The following JMJD1C variants were observed in gnomAD, a reference collection of about 807,000 sequenced individuals.
JMJD1C encodes the protein jumonji domain containing 1C.
JMJD1C carries 31 observed loss-of-function variants against 245.3 expected under a neutral mutation model. The observed-to-expected ratio is 0.13, with a 90% CI of 0.09 to 0.17. The LOEUF (loss-of-function observed/expected upper bound fraction) is 0.17. Among genes scored for constraint, JMJD1C ranks in the 10% least tolerant of loss-of-function variants. The pLI, the probability that JMJD1C is intolerant of heterozygous loss-of-function variation, is 1.00. For synonymous variants in JMJD1C, 1,057 were observed against 1,017.4 expected, an observed-to-expected ratio of 1.04 and a Z score of -0.74; for missense variants, 2,691 against 3,000.2, an observed-to-expected ratio of 0.90 and a Z score of 2.41.
At chr10:63,202,708 T>C (rs2133101747) in intron 10 of JMJD1C, 1 of 985,418 alleles carries the variant, frequency 1.0e-6, no homozygotes, top group East Asian at 1.1e-4. Flanking sequence ...CCGGTTATGG[T>C]ATAAACCCAT....
chr10:63,323,451 C>G (rs927417856), intron 2 of JMJD1C, among the ~76,000 whole-genome samples: 7 of 152,170 alleles, frequency 4.6e-5, no homozygotes, highest in African/African-American at 1.7e-4. Context: ...ACCCAGGAGG[C>G]TGAGGTTGCA....
rs1852653984 is a variant in JMJD1C at position 63,248,878 on chromosome 10, G to A, written c.447+15773C>T. ...AGGAAATGTGGTATACGTACATAAT[G>A]AATATTGTCCTGGCCATAAAAAGAA... On this transcript the variant is annotated intron_variant, in intron 3 of 25. Coordinates refer to ENST00000399262, the MANE Select transcript of JMJD1C (RefSeq NM_032776.3). Among the ~76,000 whole-genome samples the A allele has an allele frequency of 7.2e-5, 11 of 152,314 alleles. No individual in the cohort carries two copies. The South Asian group carries it at 2.3e-3, about 32-fold the overall frequency.
chr10:63,184,464 A>C (rs1024410893), intron 21 of JMJD1C, 144 bp downstream of exon 21: 1 of 645,768 alleles, frequency 1.5e-6, no homozygotes, highest in African/African-American at 1.9e-5. Context: ...GGATGGTCTC[A>C]ATCTCCTGAC....
chr10:63,305,316 C>G (rs1427815304), intron 2 of JMJD1C, among the ~76,000 whole-genome samples: 1 of 145,014 alleles, frequency 6.9e-6, no homozygotes, highest in Non-Finnish European at 1.5e-5. Flanking sequence ...TGCAGTGAGC[C>G]AAGATCATAC....
intron 2 of JMJD1C, 93 bp from the exon 3 acceptor site, chr10:63,264,857 T>C (rs1855334889): frequency 1.5e-6 from 1 of 654,430 alleles, no homozygotes; most frequent in South Asian, 1.8e-5. Context: ...ATCAATGTCA[T>C]TATCACTACA....
chr10:63,190,616 T>C (rs1208423208), intron 17 of JMJD1C, among the ~76,000 whole-genome samples: 3 of 152,192 alleles, frequency 2.0e-5, no homozygotes, highest in Non-Finnish European at 4.4e-5. Flanking sequence ...CATGTGGGTT[T>C]TTCCCTTCAC....
chr10:63,305,627 G>GGGGTGTGTGTGT (rs1420500276), intron 2 of JMJD1C, among the ~76,000 whole-genome samples: 1 of 58,610 alleles, frequency 1.7e-5, no homozygotes, highest in African/African-American at 5.0e-5. Flanking sequence ...CCACCATGCT[G>GGGGTGTGTGTGT]GCGTGTGTGT....
At chr10:63,337,550 CAAGAAAAGAAAAGAAAAGAA>C (rs200782668) in intron 2 of JMJD1C, among the ~76,000 whole-genome samples, 1,723 of 55,014 alleles carry the variant, frequency 0.031, 34 homozygotes, top group East Asian at 0.074. Context: ...GAGGAGAGGA[CAAGAAAAGAAAAGAAAAGAA>C]AAGAAAAGAA....
chr10:63,477,553 C>CAAAA (rs34332584), intron 1 of JMJD1C, among the ~76,000 whole-genome samples: 1 of 126,686 alleles, frequency 7.9e-6, no homozygotes. Flanking sequence ...ATCCATATGT[C>CAAAA]AAAAAAAAAA....
intron 3 of JMJD1C, among the ~76,000 whole-genome samples, chr10:63,259,909 CT>C (rs1009789473): frequency 2.1e-4 from 32 of 151,546 alleles, no homozygotes; most frequent in Admixed American, 2.1e-3. Context: ...TGATACAGAA[CT>C]TTTTTTTTGA....
intron 2 of JMJD1C, among the ~76,000 whole-genome samples, chr10:63,343,899 GT>G: frequency 6.6e-6 from 1 of 151,982 alleles, no homozygotes; most frequent in South Asian, 2.1e-4. Context: ...TTAGCCAGGT[GT>G]GGTGGTGTGT....
intron 11 of JMJD1C, 119 bp from the exon 12 acceptor site, chr10:63,198,846 A>G: frequency 1.9e-6 from 1 of 537,948 alleles, no homozygotes; most frequent in Non-Finnish European, 3.2e-6. Context: ...ATTACATTAA[A>G]AACAGGAAAA....
chr10:63,462,297 A>G (rs1410931310), intron 1 of JMJD1C, among the ~76,000 whole-genome samples: 1 of 152,206 alleles, frequency 6.6e-6, no homozygotes, highest in Non-Finnish European at 1.5e-5. Flanking sequence ...AATTAAACTT[A>G]TTACTTAAAA....
chr10:63,430,821 G>A (rs912646298), intron 1 of JMJD1C, among the ~76,000 whole-genome samples: 10 of 152,140 alleles, frequency 6.6e-5, no homozygotes, highest in East Asian at 1.9e-4. Flanking sequence ...ACAGGTCACC[G>A]CATCCTGGAA....
chr10:63,411,823 C>T (rs568939868), intron 1 of JMJD1C, among the ~76,000 whole-genome samples: 8 of 150,770 alleles, frequency 5.3e-5, no homozygotes, highest in Non-Finnish European at 1.0e-4. Flanking sequence ...AGTATGGCCT[C>T]GATCTCCTGA....
chr10:63,267,821 G>A (rs946571850), intron 2 of JMJD1C, among the ~76,000 whole-genome samples: 2 of 151,986 alleles, frequency 1.3e-5, no homozygotes, highest in Non-Finnish European at 2.9e-5. Flanking sequence ...ATATAGTTGA[G>A]AGCCTGCATT....
At chr10:63,325,432 C>T (rs1391040884) in intron 2 of JMJD1C, among the ~76,000 whole-genome samples, 3 of 152,082 alleles carry the variant, frequency 2.0e-5, no homozygotes, top group African/African-American at 4.8e-5. Context: ...CCTCAATCTC[C>T]GCGCTCAATC....
intron 1 of JMJD1C, among the ~76,000 whole-genome samples, chr10:63,419,076 C>CAAAA (rs34710445): frequency 2.9e-5 from 3 of 103,390 alleles, no homozygotes; most frequent in East Asian, 5.3e-4. Context: ...GACTCCATCT[C>CAAAA]AAAAAAAAAA....
chr10:63,462,299 TACTTA>T (rs1952849786), intron 1 of JMJD1C, among the ~76,000 whole-genome samples: 1 of 152,170 alleles, frequency 6.6e-6, no homozygotes, highest in African/African-American at 2.4e-5. Context: ...TTAAACTTAT[TACTTA>T]AAAGATTAGA....
Sources: gnomAD v4.1 joint callset for allele counts (sites outside exome capture counted in the v4.1 genomes callset) on GRCh38, gnomAD v4.1.1 for gene constraint, MANE v1.5 for transcripts, NCBI Gene and HGNC (gene_info 2026-07-23, HGNC 2026-07-21) for gene names.